CTTNBP2: variants seen among roughly 807,000 people sequenced by gnomAD.
CTTNBP2 encodes the protein cortactin binding protein 2, also known as cortactin-binding protein 2.
CTTNBP2 carries 108 observed loss-of-function variants against 156.9 expected under a neutral mutation model. That is an observed-to-expected ratio of 0.69 (90% confidence interval 0.59 to 0.81). The LOEUF (loss-of-function observed/expected upper bound fraction) is 0.81, where lower values mean the gene tolerates loss of function less well. Ranked by LOEUF, CTTNBP2 falls within the 30% of genes least tolerant of loss-of-function variation. The pLI is 0.00. For missense variants in CTTNBP2, 1,924 were observed against 2,035.4 expected (o/e 0.95, Z 1.05); for synonymous variants, 767 against 751.8 (o/e 1.02, Z -0.33).
chr7:117,819,943 T>C (rs968045667), intron 2 of CTTNBP2, among the ~76,000 whole-genome samples: 10 of 152,194 alleles, frequency 6.6e-5, no homozygotes, highest in African/African-American at 2.2e-4. Context: ...TCTCTCAAAG[T>C]GTAGACCATA....
intron 2 of CTTNBP2, among the ~76,000 whole-genome samples, chr7:117,836,874 T>TG (rs1045537010): frequency 9.9e-5 from 15 of 152,158 alleles, no homozygotes; most frequent in Admixed American, 6.5e-4. Flanking sequence ...GAGAACAGTA[T>TG]GGGGGAAACC....
chr7:117,738,048 T>A (rs773121353), intron 14 of CTTNBP2, among the ~76,000 whole-genome samples: 1 of 152,116 alleles, frequency 6.6e-6, no homozygotes, highest in Non-Finnish European at 1.5e-5. Context: ...GCTGGGAACT[T>A]GGGGTGGTGC....
chr7:117,791,969 G>C lies in CTTNBP2; in HGVS notation c.1227C>G (p.Thr409=). 1 of 1,614,102 alleles carries C rather than the reference G, an allele frequency of 6.2e-7. No individual in the cohort carries two copies. Among genetic ancestry groups the C allele is most frequent in the Non-Finnish European group, 8.5e-7 (1 of 1,179,998 alleles). The part of the protein sequence containing the change: ...PPLPSNAAPP[T]AQTPGIAPQN... ...GAGGAGCTATGCCTGGTGTTTGAGC[G>C]GTGGGAGGGGCAGCGTTACTGGGAA... The change falls in exon 4 of 23, where the codon ACC becomes ACG. Residue 409 remains threonine, a synonymous_variant. Coordinates refer to ENST00000160373, the MANE Select transcript of CTTNBP2 (RefSeq NM_033427.3).
At chr7:117,838,952 G>A (rs1454968555) in intron 2 of CTTNBP2, among the ~76,000 whole-genome samples, 1 of 94,894 alleles carries the variant, frequency 1.1e-5, no homozygotes, top group Non-Finnish European at 1.9e-5. Context: ...ATAATGTATA[G>A]TAACATTGCG....
intron 1 of CTTNBP2, among the ~76,000 whole-genome samples, chr7:117,868,835 T>G (rs1273647503): frequency 6.6e-6 from 1 of 152,210 alleles, no homozygotes; most frequent in Non-Finnish European, 1.5e-5. Context: ...GCTCCATCCT[T>G]CCTAGGCACA....
chr7:117,861,486 G>T (rs534868405), intron 1 of CTTNBP2, among the ~76,000 whole-genome samples, 170 bp from the exon 2 acceptor site: 53 of 152,248 alleles, frequency 3.5e-4, no homozygotes, highest in Non-Finnish European at 6.5e-4. Context: ...AGGAGGAGAG[G>T]TAAAAACTAT....
intron 9 of CTTNBP2, 65 bp downstream of exon 9, chr7:117,766,994 C>T: frequency 1.1e-6 from 1 of 902,758 alleles, no homozygotes; most frequent in Non-Finnish European, 1.8e-6. Context: ...ATAGTTTTTC[C>T]CATTGTACCA....
chr7:117,825,133 CTTTCA>C (rs1801203292), intron 2 of CTTNBP2, among the ~76,000 whole-genome samples: 1 of 152,148 alleles, frequency 6.6e-6, no homozygotes, highest in South Asian at 2.1e-4. Flanking sequence ...TTCATTGCTC[CTTTCA>C]TTTGAGTGAG....
chr7:117,741,004 C>T (rs1407666408), intron 14 of CTTNBP2, among the ~76,000 whole-genome samples: 2 of 152,120 alleles, frequency 1.3e-5, no homozygotes, highest in Non-Finnish European at 2.9e-5. Flanking sequence ...CACAATGTTC[C>T]TGATGTAGAT....
At position 117,792,036 on chromosome 7, in the gene CTTNBP2, C is replaced by T. The variant is rs1361256032; in HGVS notation, c.1160G>A (p.Ser387Asn). Residue 387 changes from serine to asparagine, a missense_variant, in exon 4 of 23, where the codon AGC (serine) becomes AAC (asparagine). By Grantham distance (46) the Ser-to-Asn change is conservative. Coordinates refer to ENST00000160373, the MANE Select transcript of CTTNBP2 (RefSeq NM_033427.3). The surrounding 1 kb of genome is among the most constrained non-coding windows in gnomAD (Gnocchi z 4.2). ...SANKIEENGPSTGSTPDPTSS... is the reference protein window; with the variant it reads ...SANKIEENGPNTGSTPDPTSS... ...GGTTGGATCTGGTGTTGAGCCAGTG[C>T]TTGGTCCATTTTCCTCAATTTTGTT... The T allele has an allele frequency of 1.2e-6, 2 of 1,613,946 alleles. No homozygotes were observed. Among genetic ancestry groups the T allele is most frequent in the East Asian group, 2.2e-5 (1 of 44,860 alleles).
rs1219406972 is a variant in CTTNBP2, at chr7:117,817,266, G to A, written c.190-6277C>T. Among the ~76,000 whole-genome samples, 10 of 147,302 alleles carry A rather than the reference G, an allele frequency of 6.8e-5. No homozygotes were observed. The South Asian group carries it at 1.1e-3, about 16-fold the overall frequency. ...GGAGAATGGCGTAAACCCGGAAGGC[G>A]GAGCTTGCAGTGAGCTGCGATTGTG... is the stretch of plus-strand genomic sequence containing the variant. On this transcript the variant is annotated intron_variant, in intron 2 of 22. Transcript: ENST00000160373.
chr7:117,844,469 C>G (rs1226576124), intron 2 of CTTNBP2, among the ~76,000 whole-genome samples: 1 of 152,126 alleles, frequency 6.6e-6, no homozygotes, highest in African/African-American at 2.4e-5. Flanking sequence ...TCAAGTCCAA[C>G]ATTATTTTTT....
intron 11 of CTTNBP2, among the ~76,000 whole-genome samples, chr7:117,757,485 C>T (rs952331520): frequency 6.7e-6 from 1 of 148,404 alleles, no homozygotes; most frequent in Non-Finnish European, 1.5e-5. Context: ...TAAACATTAG[C>T]CTGTACCATC....
rs765261471 is a variant in CTTNBP2 at position 117,719,576 on chromosome 7, T to C, written c.4572A>G (p.Ser1524=). The C allele has an allele frequency of 1.5e-5, 25 of 1,613,708 alleles. No homozygotes were observed. The highest frequency in any genetic ancestry group is 5.3e-5 in the African/African-American group (4 of 74,918). ...CCTTGACAAGATCTGCTTCGTCATCTGAACCCAGAGAGAGTCTCTGATCCA... is the reference window on the plus strand; with the variant it reads ...CCTTGACAAGATCTGCTTCGTCATCCGAACCCAGAGAGAGTCTCTGATCCA... The part of the protein sequence containing the change: ...LNLDQRLSLG[S]DDEADLVKEL... Residue 1524 remains serine (S), a synonymous_variant, in exon 21 of 23, where the codon TCA becomes TCG. Coordinates refer to ENST00000160373, the MANE Select transcript of CTTNBP2 (RefSeq NM_033427.3).
intron 3 of CTTNBP2, among the ~76,000 whole-genome samples, chr7:117,802,196 T>A (rs191640182): frequency 6.6e-6 from 1 of 151,720 alleles, no homozygotes; most frequent in Non-Finnish European, 1.5e-5. Context: ...CTGAGAATGA[T>A]GATTCAATAC....
intron 11 of CTTNBP2, among the ~76,000 whole-genome samples, chr7:117,757,469 G>A (rs1796943803): frequency 6.8e-6 from 1 of 147,022 alleles, no homozygotes; most frequent in Non-Finnish European, 1.5e-5. Flanking sequence ...CATAGCAGGT[G>A]CTCACTAAAC....
chr7:117,810,987 A>G lies in CTTNBP2; in HGVS notation c.192T>C (p.Ala64=), dbSNP rs1411931810. 1.2e-6 allele frequency: 2 copies of G among 1,606,782 alleles called. No homozygotes were observed. The highest frequency in any genetic ancestry group is 2.7e-5 in the African/African-American group (2 of 74,670). ...ARDLVIEALR[A]RRKEVFIQER... is the part of the protein sequence containing the mutation. ...CCTGGATAAATACCTCCTTCCTGCG[A>G]GCCTGGAACAAAATTAGAGAAATGT... The change falls in exon 3 of 23, where the codon GCT becomes GCC. Residue 64 remains alanine, a splice_region_variant and synonymous_variant. Coordinates refer to ENST00000160373, the MANE Select transcript of CTTNBP2 (RefSeq NM_033427.3).
intron 8 of CTTNBP2, among the ~76,000 whole-genome samples, chr7:117,776,776 T>G (rs1013576361): frequency 2.0e-5 from 3 of 152,240 alleles, no homozygotes; most frequent in African/African-American, 7.2e-5. Flanking sequence ...GCATTTCTGT[T>G]GTCCTTGTGT....
intron 3 of CTTNBP2, among the ~76,000 whole-genome samples, chr7:117,799,878 G>C (rs978997107): frequency 1.5e-4 from 23 of 151,970 alleles, no homozygotes; most frequent in African/African-American, 5.3e-4. Context: ...ACAAACATTT[G>C]AAATTCTTAA....
Sources: gnomAD v4.1 joint callset for allele counts (sites outside exome capture counted in the v4.1 genomes callset) on GRCh38, gnomAD v4.1.1 for gene constraint, Gnocchi (gnomAD v3.1) non-coding constraint, MANE v1.5 for transcripts, NCBI Gene and HGNC (gene_info 2026-07-23, HGNC 2026-07-21) for gene names.